Variants in CDK14 observed in about 807,000 individuals in gnomAD.
The protein encoded by CDK14 is cyclin dependent kinase 14, also known as cyclin-dependent kinase 14.
A neutral mutation model predicts 60.7 loss-of-function variants in CDK14; 34 were observed. That is an observed-to-expected ratio of 0.56 (90% CI 0.43 to 0.75). The LOEUF (loss-of-function observed/expected upper bound fraction) is 0.75, where lower values mean the gene tolerates loss of function less well. Ranked by LOEUF, CDK14 falls within the 30% of genes least tolerant of loss-of-function variation. The probability of loss-of-function intolerance (pLI) is 0.00; values close to 1 mark genes in which losing one functional copy is unlikely to be tolerated. For missense variants in CDK14, 482 were observed against 564.1 expected (o/e 0.85, Z 1.47); for synonymous variants, 197 against 203.7 (o/e 0.97, Z 0.28).
chr7:90,775,173 A>C (rs1804965290), intron 4 of CDK14, among the ~76,000 whole-genome samples: 2 of 152,192 alleles, frequency 1.3e-5, no homozygotes, highest in African/African-American at 2.4e-5. Flanking sequence ...TCTTTGGACC[A>C]AGAGGCTTGA....
chr7:90,885,002 G>A (rs1791894557), intron 6 of CDK14, among the ~76,000 whole-genome samples: 1 of 152,078 alleles, frequency 6.6e-6, no homozygotes. Flanking sequence ...AACCTAGGCT[G>A]TACTATCCAG....
intron 4 of CDK14, among the ~76,000 whole-genome samples, chr7:90,778,846 A>AACTTCCTTCCTT (rs1554335028): frequency 1.6e-5 from 2 of 127,864 alleles, no homozygotes. Context: ...AAATTGACCG[A>AACTTCCTTCCTT]CCTTCCTTCC....
intron 10 of CDK14, among the ~76,000 whole-genome samples, chr7:91,022,998 AGCCTTTGAAG>A (rs1796473160): frequency 1.5e-5 from 2 of 131,476 alleles, no homozygotes; most frequent in African/African-American, 5.7e-5. Flanking sequence ...CAATATTTCA[AGCCTTTGAAG>A]TATATATTTT....
chr7:90,728,079 T>C (rs1802706592), intron 3 of CDK14, among the ~76,000 whole-genome samples: 1 of 152,164 alleles, frequency 6.6e-6, no homozygotes. Context: ...TCTTAGACTT[T>C]TGAATACCTT....
rs185103131 is a variant in CDK14 at position 90,726,268 on chromosome 7, A to G, written c.124-299A>G. 3.1e-6 allele frequency: 3 copies of G among 979,228 alleles called. No homozygotes were observed. In the African/African-American group the frequency reaches 5.2e-5, roughly 17 times the overall value. The allele number at this position is 979,228 out of a possible 1,614,324, so 60.7% of individuals were successfully genotyped here. A position where few individuals can be genotyped will look rare whatever the true frequency, so the allele number is the denominator to read the frequency against. On this transcript the variant is annotated intron_variant, in intron 2 of 14. Transcript: ENST00000380050. ...AATAAACCACTTCCAGTCAGATGGT[A>G]AAACGTGTGACAGAGTTCAAGAATC...
intron 2 of CDK14, among the ~76,000 whole-genome samples, chr7:90,695,401 T>C (rs982836538): frequency 7.9e-5 from 12 of 152,158 alleles, no homozygotes; most frequent in Non-Finnish European, 7.3e-5. Flanking sequence ...TTGGTAACAA[T>C]GGGTAAGAGT....
chr7:90,638,247 A>T (rs1218855346), intron 2 of CDK14, among the ~76,000 whole-genome samples: 1 of 152,202 alleles, frequency 6.6e-6, no homozygotes, highest in Non-Finnish European at 1.5e-5. Context: ...ACATTTTGGC[A>T]TGATTTTGCA....
chr7:90,803,681 T>C (rs565018556), intron 5 of CDK14, among the ~76,000 whole-genome samples: 2 of 152,348 alleles, frequency 1.3e-5, no homozygotes, highest in East Asian at 3.9e-4. Context: ...TGGTGCAGTT[T>C]AGATAACAGG....
intron 5 of CDK14, 22 bp downstream of exon 5, chr7:90,790,674 T>TA: frequency 6.5e-7 from 1 of 1,550,016 alleles, no homozygotes; most frequent in Non-Finnish European, 8.9e-7. Context: ...TCCTTGTTGA[T>TA]ATTGCTTTTG....
At chr7:91,061,083 G>A (rs1412433584) in intron 11 of CDK14, among the ~76,000 whole-genome samples, 1 of 152,120 alleles carries the variant, frequency 6.6e-6, no homozygotes, top group Non-Finnish European at 1.5e-5. Flanking sequence ...ATATTTCTTG[G>A]AGGCTTTGTT....
At chr7:91,078,778 A>T (rs1338389669) in intron 11 of CDK14, among the ~76,000 whole-genome samples, 1 of 152,224 alleles carries the variant, frequency 6.6e-6, no homozygotes, top group South Asian at 2.1e-4. Flanking sequence ...AAATATGTGA[A>T]AAGGGACATA....
chr7:90,634,979 T>G (rs946878148), intron 2 of CDK14, among the ~76,000 whole-genome samples: 57 of 152,150 alleles, frequency 3.7e-4, no homozygotes, highest in Non-Finnish European at 6.8e-4. Flanking sequence ...TTGATGGGGT[T>G]GTTTGTTTTT....
chr7:90,817,994 A>G (rs1312281811), intron 5 of CDK14, among the ~76,000 whole-genome samples: 3 of 152,224 alleles, frequency 2.0e-5, no homozygotes, highest in Non-Finnish European at 4.4e-5. Flanking sequence ...ACCTAAGCCC[A>G]TCTGACTCTT....
chr7:91,170,299 T>C (rs1392635777), intron 14 of CDK14, among the ~76,000 whole-genome samples: 1 of 152,224 alleles, frequency 6.6e-6, no homozygotes, highest in African/African-American at 2.4e-5. Flanking sequence ...TGGGGCTCTT[T>C]TAACATTCCC....
chr7:91,095,091 G>A (rs189519238), intron 12 of CDK14, among the ~76,000 whole-genome samples: 4 of 152,266 alleles, frequency 2.6e-5, no homozygotes, highest in African/African-American at 9.6e-5. Flanking sequence ...CTAGAGTAGC[G>A]AGGACAGCAA....
chr7:90,823,170 G>T (rs1432215096), intron 5 of CDK14, among the ~76,000 whole-genome samples: 1 of 151,990 alleles, frequency 6.6e-6, no homozygotes, highest in Non-Finnish European at 1.5e-5. Context: ...AGATGCTTCT[G>T]GATATTAGCA....
At chr7:91,126,279 G>A (rs1001029794) in intron 14 of CDK14, among the ~76,000 whole-genome samples, 3 of 152,140 alleles carry the variant, frequency 2.0e-5, no homozygotes, top group African/African-American at 7.2e-5. Context: ...AGTTAAGAAT[G>A]CCCAGATTAT....
At chr7:91,139,790 CTTT>C (rs1800394047) in intron 14 of CDK14, among the ~76,000 whole-genome samples, 1 of 86,262 alleles carries the variant, frequency 1.2e-5, no homozygotes, top group African/African-American at 6.1e-5. Context: ...TCTTTCCTTT[CTTT>C]CTTTCTTTCT....
At chr7:90,949,183 G>GT (rs971248268) in intron 8 of CDK14, among the ~76,000 whole-genome samples, 3 of 151,810 alleles carry the variant, frequency 2.0e-5, no homozygotes, top group African/African-American at 7.3e-5. Flanking sequence ...TGTGTGTATA[G>GT]TTTTTTTATT....
Sources: gnomAD v4.1 joint callset for allele counts (sites outside exome capture counted in the v4.1 genomes callset) on GRCh38, gnomAD v4.1.1 for gene constraint, MANE v1.5 for transcripts, NCBI Gene and HGNC (gene_info 2026-07-23, HGNC 2026-07-21) for gene names.